ITGA3: variants seen among roughly 807,000 people sequenced by gnomAD.
The protein encoded by ITGA3 is integrin alpha-3.
In ITGA3, 70 loss-of-function variants were observed where a neutral mutation model predicts 131.1. That is an observed-to-expected ratio of 0.53 (90% CI 0.44 to 0.65). The LOEUF is 0.65. ITGA3 is among the 30% of genes least tolerant of loss of function. ITGA3 has a pLI of 0.00. For missense variants in ITGA3, 1,098 were observed against 1,388.6 expected, an observed-to-expected ratio of 0.79 and a Z score of 3.33; for synonymous variants, 537 against 571.6, an observed-to-expected ratio of 0.94 and a Z score of 0.86.
intron 10 of ITGA3, among the ~76,000 whole-genome samples, chr17:50,074,764 G>A (rs886653329): frequency 9.2e-5 from 14 of 152,344 alleles, no homozygotes; most frequent in East Asian, 5.8e-4. Context: ...GGGAGCTCTG[G>A]ACGGCCTGGT....
chr17:50,074,655 C>T, intron 10 of ITGA3, 121 bp downstream of exon 10: 1 of 702,942 alleles, frequency 1.4e-6, no homozygotes, highest in Non-Finnish European at 2.4e-6. Context: ...ATTCTTGGGG[C>T]CAGCATTTGC....
Position 50,074,512 on chromosome 17 carries a change from G to T in ITGA3, c.1447G>T (p.Ala483Ser). 6.2e-7 allele frequency: 1 copy of T among 1,613,480 alleles called. No individual in the cohort carries two copies. The highest frequency in any genetic ancestry group is 8.5e-7 in the Non-Finnish European group (1 of 1,179,512). The change falls in exon 10 of 26, where the codon GCA becomes TCA. Residue 483 changes from alanine to serine, a missense_variant. Coordinates refer to ENST00000320031, the MANE Select transcript of ITGA3 (RefSeq NM_002204.4). ...GCCCAGGCCAGCTGTGCTGGACCCT[G>T]CACTTTGCACGGCCACCTCTTGGTG... ...LVPRPAVLDP[A>S]LCTATSCVQV... is the part of the protein sequence containing the mutation.
rs1420198778 is a variant in ITGA3, at chr17:50,076,653, G to A, written c.1894G>A (p.Val632Met). 4 of 1,613,486 alleles carry A rather than the reference G, an allele frequency of 2.5e-6. No individual in the cohort carries two copies. Among genetic ancestry groups the A allele is most frequent in the African/African-American group, 1.3e-5 (1 of 74,898 alleles). The change falls in exon 14 of 26, where the codon GTG becomes ATG. Residue 632 changes from valine (V) to methionine (M), a missense_variant. Physicochemically the swap from Val to Met is conservative, Grantham distance 21. Transcript: ENST00000320031. ...ESNLQMRAAF[V>M]SEQQQKLSRL... ...CAACTTGCAGATGCGGGCAGCCTTC[G>A]TGTCAGAGCAGCAGCAGAAGCTGAG...
intron 23 of ITGA3, among the ~76,000 whole-genome samples, chr17:50,083,849 C>T (rs1471836902): frequency 6.6e-6 from 1 of 151,608 alleles, no homozygotes; most frequent in East Asian, 1.9e-4. Context: ...TGGCAGCGTA[C>T]ATAGGGTGAA....
chr17:50,087,599 G>T, intron 23 of ITGA3, 145 bp from the exon 24 acceptor site: 2 of 840,268 alleles, frequency 2.4e-6, no homozygotes, highest in Admixed American at 4.4e-5. Flanking sequence ...TGTCAGTGGG[G>T]CAGGCACAGG....
chr17:50,087,324 G>C (rs1909498264), intron 23 of ITGA3: 1 of 159,404 alleles, frequency 6.3e-6, no homozygotes, highest in South Asian at 2.0e-4. Context: ...CCCAGGTAAT[G>C]TGGCTCCAGA....
chr17:50,088,618 T>G (rs1053384890), intron 25 of ITGA3, among the ~76,000 whole-genome samples: 4 of 152,312 alleles, frequency 2.6e-5, no homozygotes, highest in Admixed American at 2.0e-4. Context: ...ATGACCTTGC[T>G]TTCTGGGGAT....
In ITGA3 at chr17:50,089,141, A is replaced by G. The variant is rs970314414; in HGVS notation, c.*63A>G. 6.2e-7 allele frequency: 1 copy of G among 1,613,384 alleles called. No homozygotes were observed. The highest frequency in any genetic ancestry group is 1.3e-5 in the African/African-American group (1 of 74,966). On this transcript the variant is annotated 3_prime_UTR_variant, in exon 26 of 26. Transcript: ENST00000320031. The stretch of plus-strand genomic sequence containing the variant: ...TTCTTTAAGCGGACCCGCTATTATC[A>G]GATCATGCCCAAGTACCACGCAGTG...
At chr17:50,078,381 C>T (rs1048082177) in intron 18 of ITGA3, 97 bp downstream of exon 18, 6 of 970,574 alleles carry the variant, frequency 6.2e-6, no homozygotes, top group Non-Finnish European at 9.6e-6. Context: ...TGACCCCTCT[C>T]TTGGCCCAGT....
intron 21 of ITGA3, among the ~76,000 whole-genome samples, chr17:50,079,900 G>A (rs773838210): frequency 6.6e-6 from 1 of 152,248 alleles, no homozygotes; most frequent in Non-Finnish European, 1.5e-5. Context: ...CTGCAGGAAA[G>A]GAGAGGAGAG....
chr17:50,087,433 T>A (rs1160770442), intron 23 of ITGA3: 1 of 295,206 alleles, frequency 3.4e-6, no homozygotes, highest in Non-Finnish European at 6.3e-6. Context: ...TGCAATTACT[T>A]GTCCAAGGTC....
At chr17:50,067,150 CTG>C (rs1295054106) in intron 3 of ITGA3, among the ~76,000 whole-genome samples, 1 of 152,192 alleles carries the variant, frequency 6.6e-6, no homozygotes, top group African/African-American at 2.4e-5. Flanking sequence ...GTACCAAACA[CTG>C]TGCTATTCCT....
At chr17:50,087,981 T>G (rs1192543611) in intron 24 of ITGA3, 112 bp downstream of exon 24, 2 of 1,388,528 alleles carry the variant, frequency 1.4e-6, no homozygotes, top group African/African-American at 1.4e-5. Flanking sequence ...ACCCCCACCC[T>G]TCCTCCCTGT....
At chr17:50,073,593 A>AACACACACACACACAC (rs71146961) in intron 7 of ITGA3, among the ~76,000 whole-genome samples, 1 of 144,160 alleles carries the variant, frequency 6.9e-6, no homozygotes, top group African/African-American at 2.6e-5. Flanking sequence ...ACTGTCTATA[A>AACACACACACACACAC]ACACACACAC....
Position 50,056,552 on chromosome 17 carries a change from G to A in ITGA3, c.113G>A (p.Arg38Gln). 1 of 1,565,352 alleles carries A rather than the reference G, an allele frequency of 6.4e-7. No homozygotes were observed. Among genetic ancestry groups the A allele is most frequent in the Non-Finnish European group, 8.7e-7 (1 of 1,155,914 alleles). Reference sequence around the variant, plus strand: ...GTCTCCGCCTTCAACCTGGATACCCGATTCCTGGTAGTGAAGGAGGCCGGG... The same window carrying A: ...GTCTCCGCCTTCAACCTGGATACCCAATTCCTGGTAGTGAAGGAGGCCGGG... ...CVVSAFNLDT[R>Q]FLVVKEAGNP... is the part of the protein sequence containing the mutation. The change falls in exon 1 of 26, where the codon CGA becomes CAA. Residue 38 changes from arginine (R) to glutamine (Q), a missense_variant. By Grantham distance (43) the Arg-to-Gln change is conservative. This residue lies in a region of ITGA3 where 356 missense variants were observed against 529.2 expected (regional missense o/e 0.67). Coordinates refer to ENST00000320031, the MANE Select transcript of ITGA3 (RefSeq NM_002204.4). This position sits in a 1 kb window ranked among gnomAD's most constrained non-coding sequence, Gnocchi z 5.6.
chr17:50,078,516 T>G (rs1909031471), intron 18 of ITGA3, among the ~76,000 whole-genome samples: 3 of 151,860 alleles, frequency 2.0e-5, no homozygotes. Context: ...GGGGCTAAGG[T>G]GTTGTCCCTA....
intron 23 of ITGA3, among the ~76,000 whole-genome samples, chr17:50,082,920 T>C (rs1426605241): frequency 7.2e-5 from 11 of 152,212 alleles, no homozygotes; most frequent in Admixed American, 7.2e-4. Flanking sequence ...GTTCCCAATC[T>C]TGAATCTGAG....
intron 4 of ITGA3, among the ~76,000 whole-genome samples, chr17:50,070,326 T>C (rs1474139052): frequency 3.9e-5 from 6 of 152,062 alleles, no homozygotes; most frequent in African/African-American, 1.4e-4. Context: ...ATCTGCAAAA[T>C]GGGGGTCATA....
chr17:50,076,580 C>G lies in ITGA3; in HGVS notation c.1825-4C>G, dbSNP rs1415744184. 1.2e-6 allele frequency: 2 copies of G among 1,612,834 alleles called. No homozygotes were observed. The highest frequency in any genetic ancestry group is 2.7e-5 in the African/African-American group (2 of 74,908). On this transcript the variant is annotated splice_polypyrimidine_tract_variant and splice_region_variant and intron_variant, in intron 13 of 25. Transcript: ENST00000320031. Reference sequence around the variant, plus strand: ...CGGCCTTCACACCTCCGGCCACCCCCCAGGTCCAGTTCCAGAAGGAGTGCG... The same window carrying G: ...CGGCCTTCACACCTCCGGCCACCCCGCAGGTCCAGTTCCAGAAGGAGTGCG...
Sources: gnomAD v4.1 joint callset for allele counts (sites outside exome capture counted in the v4.1 genomes callset) on GRCh38, gnomAD v4.1.1 for gene constraint, gnomAD v4.1.1 regional missense constraint, Gnocchi (gnomAD v3.1) non-coding constraint, MANE v1.5 for transcripts, NCBI Gene and HGNC (gene_info 2026-07-23, HGNC 2026-07-21) for gene names.